Variants in FKBP9 observed in about 807,000 individuals in gnomAD.
FKBP9 encodes the protein peptidyl-prolyl cis-trans isomerase FKBP9.
Under a neutral mutation model 55.6 loss-of-function variants are expected in FKBP9, and 27 were observed. The ratio of observed to expected loss-of-function variants is 0.49; its 90% confidence interval spans 0.36 to 0.67. The LOEUF (loss-of-function observed/expected upper bound fraction) is 0.67, where lower values mean the gene tolerates loss of function less well. Among genes scored for constraint, FKBP9 ranks in the 30% least tolerant of loss-of-function variants. The probability of loss-of-function intolerance (pLI) is 0.00; values close to 1 mark genes in which losing one functional copy is unlikely to be tolerated. For missense variants in FKBP9, 539 were observed against 742.8 expected, an observed-to-expected ratio of 0.73 and a Z score of 3.19; for synonymous variants, 267 against 296.5, an observed-to-expected ratio of 0.90 and a Z score of 1.02.
At chr7:32,971,601 C>T (rs574620851) in intron 1 of FKBP9, among the ~76,000 whole-genome samples, 3 of 152,278 alleles carry the variant, frequency 2.0e-5, no homozygotes, top group African/African-American at 7.2e-5. Flanking sequence ...CCACCTCAGT[C>T]TCCCAAGTAG....
intron 1 of FKBP9, 155 bp from the exon 2 acceptor site, chr7:32,974,462 C>T: frequency 1.7e-6 from 1 of 591,954 alleles, no homozygotes; most frequent in Middle Eastern, 4.5e-4. Context: ...AAGTACTGTC[C>T]AGTGGAGATG....
rs1352337647 is a variant in FKBP9, at chr7:32,974,829, G to A, written c.367+67G>A. ...AATGAGAACACTTTTAGGATGTTAAGTCAAACAGACTGGAGAATCTTGGAA... is the reference window on the plus strand; with the variant it reads ...AATGAGAACACTTTTAGGATGTTAAATCAAACAGACTGGAGAATCTTGGAA... On this transcript the variant is annotated intron_variant, in intron 2 of 9. Coordinates refer to ENST00000242209, the MANE Select transcript of FKBP9 (RefSeq NM_007270.5). The A allele has an allele frequency of 7.0e-6, 10 of 1,420,596 alleles. No individual in the cohort carries two copies. The South Asian group carries it at 1.2e-4, about 18-fold the overall frequency. 88.0% of individuals were successfully genotyped at this position (1,420,596 alleles called of 1,614,324 possible).
chr7:32,962,239 A>G (rs2127975751), intron 1 of FKBP9, among the ~76,000 whole-genome samples: 1 of 152,126 alleles, frequency 6.6e-6, no homozygotes, highest in East Asian at 2.0e-4. Flanking sequence ...CTAAAAATAC[A>G]AAAAATTAGC....
chr7:32,964,917 C>A (rs1318633180), intron 1 of FKBP9, among the ~76,000 whole-genome samples: 1 of 152,124 alleles, frequency 6.6e-6, no homozygotes, highest in African/African-American at 2.4e-5. Context: ...GGGAGCTAGG[C>A]GGCCAGTGGG....
intron 6 of FKBP9, among the ~76,000 whole-genome samples, chr7:32,991,625 G>A (rs1253066986): frequency 6.6e-6 from 1 of 151,606 alleles, no homozygotes; most frequent in African/African-American, 2.4e-5. Flanking sequence ...ATTTCATTCT[G>A]TCACAGCCAT....
intron 5 of FKBP9, among the ~76,000 whole-genome samples, chr7:32,985,720 C>T (rs573888871): frequency 3.0e-3 from 461 of 152,242 alleles, no homozygotes; most frequent in Admixed American, 5.2e-3. Context: ...AGGCCAGGCA[C>T]GATGGCTTAC....
Position 33,000,172 on chromosome 7 carries a change from G to A in FKBP9, c.1284G>A (p.Gly428=). 6.2e-7 allele frequency: 1 copy of A among 1,613,880 alleles called. No individual in the cohort carries two copies. Among genetic ancestry groups the A allele is most frequent in the Non-Finnish European group, 8.5e-7 (1 of 1,179,902 alleles). The part of the protein sequence containing the change: ...IVLGSGQVVL[G]MDMGLREMCV... ...TGGGATCTGGGCAAGTTGTGTTGGG[G>A]ATGGACATGGGTCTCAGAGAGATGT... Residue 428 remains glycine (G), a synonymous_variant, in exon 8 of 10, where the codon GGG becomes GGA. Transcript: ENST00000242209.
chr7:32,965,812 A>ATAT (rs1554284288), intron 1 of FKBP9, among the ~76,000 whole-genome samples: 7 of 34,934 alleles, frequency 2.0e-4, no homozygotes, highest in South Asian at 1.2e-3. Context: ...AAAAAAAAAA[A>ATAT]ATATATATAT....
At chr7:32,993,425 A>T (rs1784722492) in intron 6 of FKBP9, among the ~76,000 whole-genome samples, 1 of 152,204 alleles carries the variant, frequency 6.6e-6, no homozygotes, top group African/African-American at 2.4e-5. Context: ...CAATTTGCCT[A>T]TTCTAAGTGC....
chr7:32,982,984 ATGTGTGTG>A (rs71559288), intron 5 of FKBP9, among the ~76,000 whole-genome samples: 102 of 142,210 alleles, frequency 7.2e-4, no homozygotes, highest in African/African-American at 2.0e-3. Flanking sequence ...GTCAAAGGTT[ATGTGTGTG>A]TGTGTGTGTG....
intron 4 of FKBP9, among the ~76,000 whole-genome samples, chr7:32,976,742 A>C (rs1292296884): frequency 1.3e-5 from 2 of 152,232 alleles, no homozygotes; most frequent in Non-Finnish European, 2.9e-5. Context: ...CATAGTGGAC[A>C]GTGCAGATAC....
chr7:32,975,882 A>C (rs550650300), intron 3 of FKBP9, among the ~76,000 whole-genome samples: 1 of 152,184 alleles, frequency 6.6e-6, no homozygotes, highest in Non-Finnish European at 1.5e-5. Context: ...TCCTGACCTC[A>C]TGATCTGCCT....
chr7:32,975,839 G>A (rs1314823998), intron 3 of FKBP9, among the ~76,000 whole-genome samples: 1 of 152,028 alleles, frequency 6.6e-6, no homozygotes, highest in Admixed American at 6.6e-5. Context: ...ATAGAGACGG[G>A]GTTTCAGCAT....
intron 1 of FKBP9, among the ~76,000 whole-genome samples, chr7:32,969,269 G>A (rs1490826978): frequency 1.3e-5 from 2 of 151,994 alleles, no homozygotes; most frequent in East Asian, 1.9e-4. Flanking sequence ...GTCTGTTTTT[G>A]TTTTTGTTAC....
rs899898160 is a variant in FKBP9, at chr7:32,957,903, G to T, written c.221+109G>T. ...CCCTAGCTCCGCCCCGTGCAGCCGC[G>T]CTCCTCCCTTCTTCCGCTGCCCAGA... On this transcript the variant is annotated intron_variant, in intron 1 of 9. Transcript: ENST00000242209. 3 of 850,424 alleles carry T rather than the reference G, an allele frequency of 3.5e-6. No homozygotes were observed. The South Asian group carries it at 7.0e-5, about 20-fold the overall frequency. 52.7% of individuals were successfully genotyped at this position (850,424 alleles called of 1,614,324 possible). A position where few individuals can be genotyped will look rare whatever the true frequency, so the allele number is the denominator to read the frequency against.
chr7:33,000,007 G>A, intron 7 of FKBP9, 108 bp from the exon 8 acceptor site: 1 of 1,288,952 alleles, frequency 7.8e-7, no homozygotes, highest in Non-Finnish European at 1.1e-6. Context: ...ATAGGGATTT[G>A]CATTTCTTTG....
chr7:32,959,336 C>T (rs1027480353), intron 1 of FKBP9, among the ~76,000 whole-genome samples: 2 of 152,256 alleles, frequency 1.3e-5, no homozygotes, highest in African/African-American at 4.8e-5. Context: ...ACCTGGGAGG[C>T]GGAGCCTGCA....
At chr7:32,969,906 G>C (rs1326417180) in intron 1 of FKBP9, among the ~76,000 whole-genome samples, 2 of 152,030 alleles carry the variant, frequency 1.3e-5, no homozygotes, top group Admixed American at 6.6e-5. Context: ...AGGAGGCCGA[G>C]GCAGAATTGC....
intron 6 of FKBP9, among the ~76,000 whole-genome samples, chr7:32,993,550 C>T (rs1322184317): frequency 6.6e-6 from 1 of 152,168 alleles, no homozygotes; most frequent in African/African-American, 2.4e-5. Context: ...TCAAGCTGGG[C>T]GCGGTGGCTC....
Sources: allele counts gnomAD v4.1 joint callset (sites outside exome capture counted in the v4.1 genomes callset), GRCh38; gene constraint gnomAD v4.1.1; transcripts MANE v1.5; gene names NCBI Gene and HGNC (gene_info 2026-07-23, HGNC 2026-07-21).